PHF8: variants seen among roughly 807,000 people sequenced by gnomAD.
PHF8 encodes the protein PHD finger protein 8, also known as histone lysine demethylase PHF8.
Under a neutral mutation model 74.4 loss-of-function variants are expected in PHF8, and 9 were observed. That is an observed-to-expected ratio of 0.12 (90% confidence interval 0.07 to 0.21). The LOEUF is 0.21. Ranked by LOEUF, PHF8 falls within the 10% of genes least tolerant of loss-of-function variation. The pLI is 1.00. For synonymous variants in PHF8, 311 were observed against 316.6 expected (o/e 0.98, Z 0.19); for missense variants, 478 against 816.6 (o/e 0.59, Z 5.05).
Position 53,999,964 on chromosome X carries a change from AAAG to A in PHF8, c.1142-6_1142-4del. On this transcript the variant is annotated splice_region_variant and splice_polypyrimidine_tract_variant and intron_variant, in intron 10 of 21. Transcript: ENST00000338154. ...GTGTCTCCTGTTCTCTCGCAAACCT[AAAG>A]GAGGAAAGAGGAAAGCAGAGTGTCA... 1.8e-6 allele frequency: 2 copies of A among 1,137,452 alleles called. No individual in the cohort carries two copies. The highest frequency in any genetic ancestry group is 1.8e-5 in the South Asian group (1 of 54,999). The allele number at this position is 1,137,452 out of a possible 1,213,427, so 93.7% of individuals were successfully genotyped here. A position where few individuals can be genotyped will look rare whatever the true frequency, so the allele number is the denominator to read the frequency against.
At chrX:54,012,663 A>G (rs782506647) in intron 7 of PHF8, among the ~76,000 whole-genome samples, 32 of 111,312 alleles carry the variant, frequency 2.9e-4, no homozygotes, top group Non-Finnish European at 5.7e-4. Flanking sequence ...TTGTCTGGAC[A>G]CAGTGGCTCA....
At position 53,985,821 on chromosome X, in the gene PHF8, G is replaced by A; in HGVS notation, c.2124C>T (p.Ala708=). The change falls in exon 17 of 22, where the codon GCC becomes GCT. Residue 708 remains alanine (A), a synonymous_variant. Coordinates refer to ENST00000338154, the MANE Select transcript of PHF8 (RefSeq NM_015107.3). ...AGATAAAAGCCAGTACTCACGTGAG[G>A]GCAGCATAGTCAGGTCCCCCCACCT... is the stretch of plus-strand genomic sequence containing the variant. ...SRQVGGPDYA[A]LTEAPASPST... is the part of the protein sequence containing the mutation. 8.3e-7 allele frequency: 1 copy of A among 1,211,563 alleles called. No individual in the cohort carries two copies. Among genetic ancestry groups the A allele is most frequent in the Non-Finnish European group, 1.1e-6 (1 of 895,402 alleles).
At chrX:53,988,838 A>G in intron 14 of PHF8, among the ~76,000 whole-genome samples, 1 of 110,970 alleles carries the variant, frequency 9.0e-6, no homozygotes, top group Admixed American at 9.7e-5. Context: ...AACACACACA[A>G]AAATGGTAAG....
At chrX:54,004,636 A>G (rs2065870912) in intron 8 of PHF8, among the ~76,000 whole-genome samples, 1 of 111,537 alleles carries the variant, frequency 9.0e-6, no homozygotes, top group Admixed American at 9.6e-5. Context: ...AGAAATGAAA[A>G]GTACTGTATC....
intron 2 of PHF8, among the ~76,000 whole-genome samples, chrX:54,026,788 A>G (rs2066275238): frequency 9.1e-6 from 1 of 110,124 alleles, no homozygotes; most frequent in African/African-American, 3.3e-5. Flanking sequence ...TGTGTTTTAT[A>G]GAGAGGGGGT....
intron 11 of PHF8, among the ~76,000 whole-genome samples, chrX:53,996,219 C>G (rs1467571733): frequency 9.1e-6 from 1 of 110,078 alleles, no homozygotes; most frequent in East Asian, 2.8e-4. Flanking sequence ...CGGGTTCAAG[C>G]GATTCTCCTG....
intron 11 of PHF8, among the ~76,000 whole-genome samples, chrX:53,997,221 G>A (rs1323862745): frequency 9.0e-6 from 1 of 111,472 alleles, no homozygotes. Flanking sequence ...TAGCTCAACA[G>A]CAACCCAGAG....
chrX:54,043,725 AACTG>A, intron 1 of PHF8, 33 bp downstream of exon 1: 1 of 531,555 alleles, frequency 1.9e-6, no homozygotes, highest in Non-Finnish European at 2.3e-6. Context: ...TATATCCTAA[AACTG>A]ACAGTAATAG....
intron 18 of PHF8, among the ~76,000 whole-genome samples, chrX:53,978,225 C>A (rs1354119103): frequency 9.1e-6 from 1 of 110,281 alleles, no homozygotes; most frequent in African/African-American, 3.3e-5. Context: ...GGATTACAGG[C>A]ACGAGCCACC....
At chrX:54,046,166 C>G (rs953728591), upstream of PHF8, among the ~76,000 whole-genome samples, 10 of 110,994 alleles carry the variant, frequency 9.0e-5, no homozygotes, top group Admixed American at 9.6e-4. Flanking sequence ...AGGCTGGTCT[C>G]AAACTCCTGG....
intron 8 of PHF8, among the ~76,000 whole-genome samples, chrX:54,003,400 T>C (rs191600281): frequency 0.01 from 1,141 of 111,909 alleles, 14 homozygotes; most frequent in African/African-American, 0.035. Context: ...CTCATGCCTG[T>C]AATCCCAGCA....
Position 53,938,932 on chromosome X carries a change from T to C in PHF8, c.*226A>G, listed in dbSNP as rs1400486810. 1 of 976,474 alleles carries C rather than the reference T, an allele frequency of 1.0e-6. No homozygotes were observed. Among genetic ancestry groups the C allele is most frequent in the Non-Finnish European group, 1.3e-6 (1 of 778,733 alleles). The allele number at this position is 976,474 out of a possible 1,213,427, so 80.5% of individuals were successfully genotyped here. The stretch of plus-strand genomic sequence containing the variant: ...TCTAGTCAGCTGGAAACCTCTCCCA[T>C]TTACCTGCTCCTCAGTGGAGAAGGC... On this transcript the variant is annotated 3_prime_UTR_variant, in exon 22 of 22. Coordinates refer to ENST00000338154, the MANE Select transcript of PHF8 (RefSeq NM_015107.3).
intron 3 of PHF8, 43 bp from the exon 4 acceptor site, chrX:54,022,410 T>C: frequency 3.5e-6 from 3 of 849,270 alleles, no homozygotes; most frequent in Non-Finnish European, 5.3e-6. Flanking sequence ...AGAACGGTCA[T>C]GAGCTATGAT....
intron 2 of PHF8, among the ~76,000 whole-genome samples, chrX:54,031,600 CCAAA>C (rs2066358501): frequency 9.1e-6 from 1 of 109,520 alleles, no homozygotes; most frequent in Admixed American, 9.8e-5. Flanking sequence ...AAAAAAAAAC[CCAAA>C]CAAAAAACCC....
intron 18 of PHF8, among the ~76,000 whole-genome samples, chrX:53,968,603 TACA>T (rs1557093727): frequency 1.8e-5 from 2 of 111,858 alleles, no homozygotes; most frequent in Admixed American, 9.5e-5. Context: ...CAGAAAAAAA[TACA>T]ACAATTAAAA....
chrX:54,042,747 C>G lies in PHF8; in HGVS notation c.-19G>C. ...AGGCCATCTTCGCTCGGCCCTGGAG[C>G]GTTCTGCGGCCGGCCAGGTTCGTCG... On this transcript the variant is annotated 5_prime_UTR_variant, in exon 2 of 22. Transcript: ENST00000338154. The G allele has an allele frequency of 8.3e-7, 1 of 1,199,760 alleles. No homozygotes were observed.
At chrX:53,954,192 G>C (rs2064974594) in intron 19 of PHF8, among the ~76,000 whole-genome samples, 1 of 111,304 alleles carries the variant, frequency 9.0e-6, no homozygotes, top group African/African-American at 3.3e-5. Flanking sequence ...ATAATGGATA[G>C]AGCAATTAGA....
rs782519131 is a variant in PHF8, at chrX:54,043,210, G to A, written c.-92-390C>T. ...CCTCTATTATGACGCAAACCACAGC[G>A]TCAAAAATGAGGCTGGGGGTATCTC... On this transcript the variant is annotated intron_variant, in intron 1 of 21. Coordinates refer to ENST00000338154, the MANE Select transcript of PHF8 (RefSeq NM_015107.3). 4 of 664,142 alleles carry A rather than the reference G, an allele frequency of 6.0e-6. No individual in the cohort carries two copies. In the South Asian group the frequency reaches 3.1e-4, roughly 52 times the overall value. 54.7% of individuals were successfully genotyped at this position (664,142 alleles called of 1,213,427 possible).
chrX:53,977,982 T>TC (rs1216186219), intron 18 of PHF8, among the ~76,000 whole-genome samples: 60 of 86,191 alleles, frequency 7.0e-4, no homozygotes, highest in African/African-American at 2.6e-3. Context: ...TCTCACTCTG[T>TC]CCCCCCAGGC....
Sources: allele counts gnomAD v4.1 joint callset (sites outside exome capture counted in the v4.1 genomes callset), GRCh38; gene constraint gnomAD v4.1.1; transcripts MANE v1.5; gene names NCBI Gene and HGNC (gene_info 2026-07-23, HGNC 2026-07-21).